Variants in RPTOR observed in about 807,000 individuals in gnomAD.
The protein encoded by RPTOR is regulatory-associated protein of mTOR.
Under a neutral mutation model 169.9 loss-of-function variants are expected in RPTOR, and 21 were observed. The observed-to-expected ratio is 0.12, with a 90% CI of 0.09 to 0.18. RPTOR has a LOEUF of 0.18. RPTOR is among the 10% of genes least tolerant of loss of function. The probability of loss-of-function intolerance (pLI) is 1.00; values close to 1 mark genes in which losing one functional copy is unlikely to be tolerated. For synonymous variants in RPTOR, 732 were observed against 753.2 expected (o/e 0.97, Z 0.46); for missense variants, 1,133 against 1,855.9 (o/e 0.61, Z 7.16).
In RPTOR at chr17:80,595,531, C is replaced by A. The variant is rs553440635; in HGVS notation, c.163-30160C>A. 9.8e-4 allele frequency among the ~76,000 whole-genome samples: 150 copies of A among 152,310 alleles called. 2 individuals are homozygous for A. The highest frequency in any genetic ancestry group is 3.6e-3 in the African/African-American group (148 of 41,566). On this transcript the variant is annotated intron_variant, in intron 1 of 33. Transcript: ENST00000306801. ...AGTGCGGTGGCATGATCATGGCTCACTGCAGCCTCAACCTCCTGGGCTCAG... is the reference window on the plus strand; with the variant it reads ...AGTGCGGTGGCATGATCATGGCTCAATGCAGCCTCAACCTCCTGGGCTCAG...
intron 20 of RPTOR, among the ~76,000 whole-genome samples, chr17:80,907,865 A>G (rs1227225197): frequency 6.6e-6 from 1 of 152,176 alleles, no homozygotes; most frequent in Non-Finnish European, 1.5e-5. Context: ...TGCCTCTTCC[A>G]CCAGGCCTTC....
intron 1 of RPTOR, among the ~76,000 whole-genome samples, chr17:80,590,827 T>C (rs1331130087): frequency 1.3e-5 from 2 of 152,240 alleles, no homozygotes; most frequent in Non-Finnish European, 2.9e-5. Context: ...TCCAAAAATA[T>C]GAGTTTGAGG....
chr17:80,636,867 G>A (rs913828486), intron 2 of RPTOR, among the ~76,000 whole-genome samples: 5 of 152,190 alleles, frequency 3.3e-5, no homozygotes, highest in African/African-American at 9.7e-5. Flanking sequence ...GGCTGACTAC[G>A]AAAGAGGGCT....
At chr17:80,938,788 C>T (rs1434345654) in intron 24 of RPTOR, among the ~76,000 whole-genome samples, 2 of 152,160 alleles carry the variant, frequency 1.3e-5, no homozygotes, top group African/African-American at 2.4e-5. Context: ...CCCATGAGCA[C>T]GGGGTCAGAC....
At chr17:80,848,730 C>T (rs537619786) in intron 11 of RPTOR, among the ~76,000 whole-genome samples, 4 of 152,342 alleles carry the variant, frequency 2.6e-5, no homozygotes, top group Admixed American at 1.3e-4. Flanking sequence ...GGAGTAAAAT[C>T]GGCCCTCTCC....
At position 80,964,427 on chromosome 17, in the gene RPTOR, G is replaced by C; in HGVS notation, c.*97G>C. On this transcript the variant is annotated 3_prime_UTR_variant, in exon 34 of 34. Coordinates refer to ENST00000306801, the MANE Select transcript of RPTOR (RefSeq NM_020761.3). The stretch of plus-strand genomic sequence containing the variant: ...GGGCGTCGGCTGCTGCGGCCCCGCA[G>C]TGTGAACGTTGGCTGCTGCCTTAGC... The C allele has an allele frequency of 8.1e-7, 1 of 1,233,674 alleles. No homozygotes were observed. Among genetic ancestry groups the C allele is most frequent in the South Asian group, 1.2e-5 (1 of 82,942 alleles). The allele number at this position is 1,233,674 out of a possible 1,614,324, so 76.4% of individuals were successfully genotyped here. A position where few individuals can be genotyped will look rare whatever the true frequency, so the allele number is the denominator to read the frequency against.
In RPTOR at chr17:80,905,344, TG is replaced by T. The variant is rs371558185; in HGVS notation, c.2402-3464del. Reference sequence around the variant, plus strand: ...GCGCATGCCGGTAATCCCAGCACTTTGGGAGGCCAAGGCAGGTGGATCACGA... The same window carrying T: ...GCGCATGCCGGTAATCCCAGCACTTTGGAGGCCAAGGCAGGTGGATCACGA... On this transcript the variant is annotated intron_variant, in intron 20 of 33. Transcript: ENST00000306801. Among the ~76,000 whole-genome samples the T allele has an allele frequency of 8.7e-3, 1,312 of 151,466 alleles. 10 individuals carry two copies. The highest frequency in any genetic ancestry group is 0.013 in the Non-Finnish European group (859 of 67,900).
At chr17:80,605,812 A>C (rs2065224742) in intron 1 of RPTOR, among the ~76,000 whole-genome samples, 1 of 152,226 alleles carries the variant, frequency 6.6e-6, no homozygotes, top group South Asian at 2.1e-4. Context: ...GGCACGGACT[A>C]GCTGTGCAGT....
In RPTOR at chr17:80,562,383, C is replaced by CA. The variant is rs1395455167; in HGVS notation, c.162+16593dup. Among the ~76,000 whole-genome samples, 2 of 152,192 alleles carry CA rather than the reference C, an allele frequency of 1.3e-5. No homozygotes were observed. Among genetic ancestry groups the CA allele is most frequent in the Non-Finnish European group, 2.9e-5 (2 of 68,044 alleles). ...GCCTTCGTTTACCCCTGCTTCCCCT[C>CA]ACTCCCCTGCTTGGGGGCTGGGTGG... On this transcript the variant is annotated intron_variant, in intron 1 of 33. Transcript: ENST00000306801. This position sits in a 1 kb window ranked among gnomAD's most constrained non-coding sequence, Gnocchi z 4.4.
chr17:80,700,607 ATGGTGATGG>A (rs2066082435), intron 3 of RPTOR, among the ~76,000 whole-genome samples: 1 of 117,248 alleles, frequency 8.5e-6, no homozygotes, highest in African/African-American at 3.2e-5. Context: ...GATGGTGATG[ATGGTGATGG>A]TGGTGGTGGT....
At position 80,923,507 on chromosome 17, in the gene RPTOR, C is replaced by CCAGCACCAG. The variant is rs1445767106; in HGVS notation, c.2647_2655dup (p.Thr883_Ser885dup). The stretch of plus-strand genomic sequence containing the variant: ...AATGGCAGGGGCTCCCCTCCGGCGT[C>CCAGCACCAG]CAGCACCAGCAGCTCCAGCCTGACC... On this transcript the variant is annotated inframe_insertion, in exon 23 of 34. Coordinates refer to ENST00000306801, the MANE Select transcript of RPTOR (RefSeq NM_020761.3). The CCAGCACCAG allele has an allele frequency of 6.2e-7, 1 of 1,613,378 alleles. No homozygotes were observed. The highest frequency in any genetic ancestry group is 1.1e-5 in the South Asian group (1 of 91,090).
At position 80,846,503 on chromosome 17, in the gene RPTOR, G is replaced by T. The variant is rs763716081; in HGVS notation, c.1243G>T (p.Ala415Ser). ...HSPFFAEQLT[A>S]FQVWLTMGVE... ...CCCGTTCTTCGCCGAGCAGCTGACC[G>T]CATTCCAGGTGTGGCTCACCATGGG... The change falls in exon 11 of 34, where the codon GCA becomes TCA. Residue 415 changes from alanine to serine, a missense_variant. Coordinates refer to ENST00000306801, the MANE Select transcript of RPTOR (RefSeq NM_020761.3). 6.2e-7 allele frequency: 1 copy of T among 1,614,156 alleles called. No homozygotes were observed. The highest frequency in any genetic ancestry group is 8.5e-7 in the Non-Finnish European group (1 of 1,180,026).
At chr17:80,815,984 G>A (rs140629155) in intron 7 of RPTOR, among the ~76,000 whole-genome samples, 1 of 151,774 alleles carries the variant, frequency 6.6e-6, no homozygotes, top group Non-Finnish European at 1.5e-5. Flanking sequence ...TCCACGGAGC[G>A]ATTCTCGAGA....
At chr17:80,806,587 C>T (rs566451043) in intron 7 of RPTOR, among the ~76,000 whole-genome samples, 45 of 152,276 alleles carry the variant, frequency 3.0e-4, no homozygotes, top group South Asian at 2.5e-3. Flanking sequence ...GATCTCTACT[C>T]TTATGTTAAT....
Position 80,957,794 on chromosome 17 carries a change from G to A in RPTOR, c.3477+64G>A, listed in dbSNP as rs576475870. 1.4e-5 allele frequency: 20 copies of A among 1,457,392 alleles called. No individual in the cohort carries two copies. The highest frequency in any genetic ancestry group is 9.1e-5 in the South Asian group (8 of 87,766). The allele number at this position is 1,457,392 out of a possible 1,614,324, so 90.3% of individuals were successfully genotyped here. ...GGCAGTGTGTGCAGGGCTGGTCCTC[G>A]TCACAGAACCCAGCAAAGTGTGCGG... On this transcript the variant is annotated intron_variant, in intron 29 of 33. Transcript: ENST00000306801. This position sits in a 1 kb window ranked among gnomAD's most constrained non-coding sequence, Gnocchi z 4.6.
At chr17:80,692,323 TGTTATGTTA>T (rs2066000162) in intron 3 of RPTOR, among the ~76,000 whole-genome samples, 3 of 137,562 alleles carry the variant, frequency 2.2e-5, no homozygotes, top group South Asian at 2.4e-4. Context: ...TGTTATGTTA[TGTTATGTTA>T]TTTTTTTGAG....
chr17:80,953,292 G>C (rs2069205815), intron 28 of RPTOR, among the ~76,000 whole-genome samples: 3 of 151,836 alleles, frequency 2.0e-5, no homozygotes, highest in Admixed American at 2.0e-4. Context: ...CTATTTTTGA[G>C]ACAGGTTCTT....
chr17:80,942,477 G>T (rs530275404), intron 25 of RPTOR, among the ~76,000 whole-genome samples: 5 of 151,798 alleles, frequency 3.3e-5, no homozygotes, highest in Non-Finnish European at 5.9e-5. Context: ...CTGCTGAGCC[G>T]CTGGAGACAC....
Position 80,754,953 on chromosome 17 carries a change from C to A in RPTOR, c.830+768C>A, listed in dbSNP as rs968819932. ...TCGGCCGAGGACACTCTTGAGGCTT[C>A]TGTCAAGATGGCCTAACACTCTAGA... On this transcript the variant is annotated intron_variant, in intron 6 of 33. Transcript: ENST00000306801. This position sits in a 1 kb window ranked among gnomAD's most constrained non-coding sequence, Gnocchi z 4.2. Among the ~76,000 whole-genome samples the A allele has an allele frequency of 3.3e-5, 5 of 152,228 alleles. No individual in the cohort carries two copies. The highest frequency in any genetic ancestry group is 3.3e-4 in the Admixed American group (5 of 15,286).
Sources: gnomAD v4.1 joint callset for allele counts (sites outside exome capture counted in the v4.1 genomes callset) on GRCh38, gnomAD v4.1.1 for gene constraint, Gnocchi (gnomAD v3.1) non-coding constraint, MANE v1.5 for transcripts, NCBI Gene and HGNC (gene_info 2026-07-23, HGNC 2026-07-21) for gene names.